LATS2: variants seen among roughly 807,000 people sequenced by gnomAD.
LATS2 encodes large tumor suppressor kinase 2.
A neutral mutation model predicts 76.0 loss-of-function variants in LATS2; 24 were observed. The observed-to-expected ratio is 0.32, with a 90% CI of 0.23 to 0.44. The LOEUF is 0.44. Ranked by LOEUF, LATS2 falls within the 20% of genes least tolerant of loss-of-function variation. LATS2 has a pLI of 1.00. For missense variants in LATS2, 1,286 were observed against 1,481.2 expected (o/e 0.87, Z 2.16); for synonymous variants, 692 against 635.4 (o/e 1.09, Z -1.34).
At chr13:21,006,836 C>T (rs1028732062) in intron 2 of LATS2, among the ~76,000 whole-genome samples, 3 of 152,192 alleles carry the variant, frequency 2.0e-5, no homozygotes, top group South Asian at 2.1e-4. Context: ...TGGGGCTCTC[C>T]GTGCCTCCCA....
intron 2 of LATS2, among the ~76,000 whole-genome samples, chr13:21,045,252 A>C (rs1362556236): frequency 6.6e-6 from 1 of 152,146 alleles, no homozygotes; most frequent in East Asian, 1.9e-4. Context: ...TAGCCAATGC[A>C]TGTTGCTCAA....
intron 2 of LATS2, among the ~76,000 whole-genome samples, chr13:21,022,064 T>C (rs967368121): frequency 1.3e-5 from 2 of 152,196 alleles, no homozygotes; most frequent in Non-Finnish European, 2.9e-5. Flanking sequence ...AAAAGACTAT[T>C]TTCGTGGGTT....
At chr13:21,056,258 C>T (rs191947180) in intron 1 of LATS2, among the ~76,000 whole-genome samples, 6 of 151,892 alleles carry the variant, frequency 4.0e-5, no homozygotes, top group African/African-American at 1.2e-4. Context: ...AAGCTCGTCT[C>T]GAATTCCTGG....
chr13:21,022,834 C>T (rs766523938), intron 2 of LATS2, among the ~76,000 whole-genome samples: 5 of 152,162 alleles, frequency 3.3e-5, no homozygotes, highest in Non-Finnish European at 5.9e-5. Flanking sequence ...TCATTATGTT[C>T]ATAAAGGGAT....
chr13:21,006,686 A>C (rs1320930264), intron 2 of LATS2, among the ~76,000 whole-genome samples: 1 of 152,218 alleles, frequency 6.6e-6, no homozygotes, highest in Non-Finnish European at 1.5e-5. Flanking sequence ...CGCTGTCTCC[A>C]TCAAAAAGAT....
chr13:21,038,617 T>C (rs1235042192), intron 2 of LATS2: 2 of 152,186 alleles, frequency 1.3e-5, no homozygotes, highest in Non-Finnish European at 2.9e-5. Context: ...TTAGCAATAA[T>C]CGCACCTTGG....
At chr13:20,978,277 C>G (rs889857162) in intron 7 of LATS2, among the ~76,000 whole-genome samples, 1 of 151,980 alleles carries the variant, frequency 6.6e-6, no homozygotes, top group African/African-American at 2.4e-5. Flanking sequence ...TAACCACATG[C>G]CCTGGTGGCT....
At position 20,988,127 on chromosome 13, in the gene LATS2, G is replaced by A. The variant is rs772456666; in HGVS notation, c.1653C>T (p.Pro551=). ...TTTTGCGGCTCTTGTCGCCGCCCTC[G>A]GGCTCGTTGGGGCCCGCACGGAGGC... ...EQSLRAGPNE[P]EGGDKSRKSA... is the part of the protein sequence containing the mutation. Residue 551 remains proline, a synonymous_variant, in exon 4 of 8, where the codon CCC becomes CCT. Transcript: ENST00000382592. The A allele has an allele frequency of 1.9e-6, 3 of 1,614,112 alleles. No homozygotes were observed. Among genetic ancestry groups the A allele is most frequent in the Admixed American group, 1.7e-5 (1 of 60,026 alleles).
At chr13:21,055,641 T>G (rs887293520) in intron 1 of LATS2, among the ~76,000 whole-genome samples, 1 of 152,214 alleles carries the variant, frequency 6.6e-6, no homozygotes, top group Admixed American at 6.5e-5. Flanking sequence ...TTTATCCTAG[T>G]GCTTCACAAA....
intron 7 of LATS2, among the ~76,000 whole-genome samples, chr13:20,976,834 T>C (rs769375665): frequency 6.6e-6 from 1 of 152,062 alleles, no homozygotes; most frequent in Non-Finnish European, 1.5e-5. Flanking sequence ...ACTCAGTCAC[T>C]GTTGGTGGGA....
intron 2 of LATS2, among the ~76,000 whole-genome samples, chr13:21,042,726 C>G (rs1029866976): frequency 6.6e-6 from 1 of 152,098 alleles, no homozygotes; most frequent in Non-Finnish European, 1.5e-5. Flanking sequence ...TGGTAACTCA[C>G]GCCTGTAATC....
chr13:20,995,145 C>T (rs1241332936), intron 2 of LATS2, among the ~76,000 whole-genome samples: 7 of 152,006 alleles, frequency 4.6e-5, no homozygotes, highest in Non-Finnish European at 1.0e-4. Context: ...CATGCTTGGG[C>T]ATCAGCATCA....
chr13:20,987,574 G>A (rs1161881098), intron 4 of LATS2, among the ~76,000 whole-genome samples: 1 of 152,020 alleles, frequency 6.6e-6, no homozygotes, highest in East Asian at 1.9e-4. Flanking sequence ...TTTGTTAAGC[G>A]AGGACATACC....
intron 2 of LATS2, among the ~76,000 whole-genome samples, chr13:21,031,041 C>T (rs1176304826): frequency 6.6e-6 from 1 of 152,124 alleles, no homozygotes; most frequent in Non-Finnish European, 1.5e-5. Flanking sequence ...TCAATATATG[C>T]AGCATTTATA....
chr13:21,028,820 G>A (rs1872412649), intron 2 of LATS2, among the ~76,000 whole-genome samples: 1 of 152,048 alleles, frequency 6.6e-6, no homozygotes, highest in African/African-American at 2.4e-5. Context: ...CACCCGCCTT[G>A]GCCTCCCAGA....
intron 2 of LATS2, among the ~76,000 whole-genome samples, chr13:21,011,851 C>T (rs1376146538): frequency 2.0e-5 from 3 of 152,240 alleles, no homozygotes; most frequent in Non-Finnish European, 4.4e-5. Context: ...GCCCCCTACA[C>T]ACCTAGGCTA....
At chr13:21,031,851 G>A (rs1186236662) in intron 2 of LATS2, among the ~76,000 whole-genome samples, 2 of 151,956 alleles carry the variant, frequency 1.3e-5, no homozygotes, top group Non-Finnish European at 1.5e-5. Flanking sequence ...GCAAGACCTC[G>A]ACTAAAAAAA....
chr13:21,033,211 G>A (rs959626421), intron 2 of LATS2, among the ~76,000 whole-genome samples: 5 of 152,024 alleles, frequency 3.3e-5, no homozygotes, highest in Admixed American at 6.6e-5. Context: ...ATGTAAGCTA[G>A]GAACCTTTGT....
intron 2 of LATS2, among the ~76,000 whole-genome samples, chr13:20,998,608 C>A (rs368544702): frequency 6.6e-6 from 1 of 152,228 alleles, no homozygotes; most frequent in South Asian, 2.1e-4. Flanking sequence ...CCCACCCCCA[C>A]GGAAAGGCCC....
Sources: gnomAD v4.1 joint callset for allele counts (sites outside exome capture counted in the v4.1 genomes callset) on GRCh38, gnomAD v4.1.1 for gene constraint, MANE v1.5 for transcripts, NCBI Gene and HGNC (gene_info 2026-07-23, HGNC 2026-07-21) for gene names.